Variants in ZDHHC11 observed in about 807,000 individuals in gnomAD.
ZDHHC11 encodes zDHHC palmitoyltransferase 11.
In ZDHHC11, 44 loss-of-function variants were observed where a neutral mutation model predicts 51.3. The observed-to-expected ratio is 0.86, with a 90% CI of 0.67 to 1.10. The LOEUF (loss-of-function observed/expected upper bound fraction) is 1.10, where lower values mean the gene tolerates loss of function less well. ZDHHC11 is among the 50% of genes least tolerant of loss of function. The pLI, the probability that ZDHHC11 is intolerant of heterozygous loss-of-function variation, is 0.00. For synonymous variants in ZDHHC11, 163 were observed against 222.0 expected (o/e 0.73, Z 2.36); for missense variants, 400 against 537.7 (o/e 0.74, Z 2.53).
chr5:823,745 A>C, intron 8 of ZDHHC11: 1 of 243,244 alleles, frequency 4.1e-6, no homozygotes, highest in Admixed American at 4.7e-5. Context: ...ACCAGGCCTC[A>C]TGTGGCTTCA....
intron 10 of ZDHHC11, among the ~76,000 whole-genome samples, chr5:819,281 G>A (rs539340894): frequency 3.4e-4 from 51 of 151,672 alleles, no homozygotes; most frequent in African/African-American, 9.2e-4. Flanking sequence ...TGGTGGCACT[G>A]CAGTGCTGAG....
At chr5:853,159 G>A (rs754248541), upstream of ZDHHC11, among the ~76,000 whole-genome samples, 38 of 146,848 alleles carry the variant, frequency 2.6e-4, no homozygotes, top group Non-Finnish European at 4.8e-4. Context: ...CAGCGAGCCA[G>A]GGAGACAGAC....
chr5:841,911 G>A (rs1371689145), intron 4 of ZDHHC11: 27 of 989,044 alleles, frequency 2.7e-5, no homozygotes, highest in African/African-American at 7.0e-5. Flanking sequence ...TGGTGGCCTC[G>A]GGGCCATCCT....
At chr5:844,920 C>A (rs1320948553) in intron 3 of ZDHHC11, among the ~76,000 whole-genome samples, 1 of 152,428 alleles carries the variant, frequency 6.6e-6, no homozygotes, top group South Asian at 2.1e-4. Flanking sequence ...AAACCATCTT[C>A]CCTTGGTCTT....
At chr5:833,195 G>A (rs1376078864) in intron 7 of ZDHHC11, among the ~76,000 whole-genome samples, 1 of 152,296 alleles carries the variant, frequency 6.6e-6, no homozygotes, top group Non-Finnish European at 1.5e-5. Context: ...TCATCAGAAA[G>A]AGTCTGTGAA....
At chr5:833,071 A>C (rs565120783) in intron 7 of ZDHHC11, among the ~76,000 whole-genome samples, 1 of 151,934 alleles carries the variant, frequency 6.6e-6, no homozygotes, top group African/African-American at 2.4e-5. Flanking sequence ...AAGGAAATGC[A>C]TATTAAAACA....
At chr5:852,640 T>C (rs1389273783), upstream of ZDHHC11, among the ~76,000 whole-genome samples, 3 of 114,094 alleles carry the variant, frequency 2.6e-5, no homozygotes, top group Non-Finnish European at 3.5e-5. Context: ...CAGAGGACAG[T>C]GAGCAAGGGG....
intron 10 of ZDHHC11, among the ~76,000 whole-genome samples, chr5:818,419 C>A (rs1741116109): frequency 1.3e-5 from 2 of 151,714 alleles, no homozygotes; most frequent in Non-Finnish European, 3.0e-5. Flanking sequence ...TTCCTCCAGG[C>A]TGGCTGATCC....
chr5:842,349 C>T (rs1745138303), intron 4 of ZDHHC11: 4 of 985,558 alleles, frequency 4.1e-6, no homozygotes, highest in Non-Finnish European at 4.8e-6. Flanking sequence ...CCGCTGAGGT[C>T]AGGGCCTCGC....
chr5:858,446 G>A (rs1208143477), intron 1 of ZDHHC11, among the ~76,000 whole-genome samples: 1 of 152,070 alleles, frequency 6.6e-6, no homozygotes, highest in Non-Finnish European at 1.5e-5. Flanking sequence ...CCTGGTCCAA[G>A]TCCCCATCCT....
chr5:842,360 C>T, intron 4 of ZDHHC11: 1 of 985,456 alleles, frequency 1.0e-6, no homozygotes. Context: ...AGGGCCTCGC[C>T]AGGGTGGAGC....
chr5:803,523 A>G (rs569800858), intron 11 of ZDHHC11, among the ~76,000 whole-genome samples: 2 of 151,470 alleles, frequency 1.3e-5, no homozygotes, highest in African/African-American at 4.8e-5. Flanking sequence ...GAGGAGGAGA[A>G]GCACTTGATT....
intron 1 of ZDHHC11, among the ~76,000 whole-genome samples, chr5:856,382 A>G (rs1748249109): frequency 6.6e-6 from 1 of 151,288 alleles, no homozygotes; most frequent in African/African-American, 2.4e-5. Flanking sequence ...GACCACCCAC[A>G]ACACATACCA....
At chr5:810,924 G>A (rs1357921037) in intron 11 of ZDHHC11, among the ~76,000 whole-genome samples, 14 of 151,958 alleles carry the variant, frequency 9.2e-5, no homozygotes, top group Middle Eastern at 6.3e-3. Context: ...TTAAAAAGCA[G>A]GTGCCTAAAG....
chr5:858,146 G>A (rs548319421), intron 1 of ZDHHC11, among the ~76,000 whole-genome samples: 1,311 of 111,362 alleles, frequency 0.012, 19 homozygotes, highest in African/African-American at 0.04. Context: ...GTGGTCCCCC[G>A]GGTCTGTCCC....
chr5:804,171 C>G (rs1345387626), intron 11 of ZDHHC11, among the ~76,000 whole-genome samples: 1 of 151,234 alleles, frequency 6.6e-6, no homozygotes, highest in Non-Finnish European at 1.5e-5. Context: ...ATGGAAAATT[C>G]CAGAAATAAA....
Position 823,566 on chromosome 5 carries a change from C to T in ZDHHC11, c.1023+1598G>A, listed in dbSNP as rs1741844903. ...TAGGTCTGTGGAGCTCAGCACAGGG[C>T]TGTGCCACGGACGCGGGTGTCAGTG... On this transcript the variant is annotated intron_variant, in intron 8 of 12. Transcript: ENST00000283441. 2 of 165,096 alleles carry T rather than the reference C, an allele frequency of 1.2e-5. 1 individual carries two copies. The highest frequency in any genetic ancestry group is 2.7e-5 in the Non-Finnish European group (2 of 74,704). 10.2% of individuals were successfully genotyped at this position (165,096 alleles called of 1,614,324 possible). A position where few individuals can be genotyped will look rare whatever the true frequency, so the allele number is the denominator to read the frequency against.
intron 1 of ZDHHC11, among the ~76,000 whole-genome samples, chr5:856,676 T>C (rs545059328): frequency 1.5e-4 from 22 of 142,246 alleles, no homozygotes; most frequent in Non-Finnish European, 2.4e-4. Context: ...ACGTGACAAG[T>C]ACCAGACACC....
intron 11 of ZDHHC11, among the ~76,000 whole-genome samples, chr5:805,053 G>C (rs1263127976): frequency 6.6e-6 from 1 of 151,360 alleles, no homozygotes; most frequent in African/African-American, 2.4e-5. Context: ...TATTGTTAAT[G>C]GGTGCACACT....
Sources: gnomAD v4.1 joint callset for allele counts (sites outside exome capture counted in the v4.1 genomes callset) on GRCh38, gnomAD v4.1.1 for gene constraint, MANE v1.5 for transcripts, NCBI Gene and HGNC (gene_info 2026-07-23, HGNC 2026-07-21) for gene names.